RALB: variants seen among roughly 807,000 people sequenced by gnomAD.
RALB encodes ras-related protein Ral-B.
In RALB, 16 loss-of-function variants were observed where a neutral mutation model predicts 21.3. The ratio of observed to expected loss-of-function variants is 0.75; its 90% confidence interval spans 0.51 to 1.14. RALB has a LOEUF of 1.14. Ranked by LOEUF, RALB falls within the 50% of genes most tolerant of loss-of-function variation. The probability of loss-of-function intolerance (pLI) is 0.00; values close to 1 mark genes in which losing one functional copy is unlikely to be tolerated. For missense variants in RALB, 161 were observed against 256.2 expected (o/e 0.63, Z 2.54); for synonymous variants, 93 against 96.1 (o/e 0.97, Z 0.19).
chr2:120,280,817 AT>A, intron 2 of RALB: 1 of 386,176 alleles, frequency 2.6e-6, no homozygotes, highest in Non-Finnish European at 5.0e-6. Context: ...AGACTAAATT[AT>A]TTTTTATTCT....
chr2:120,249,313 G>A (rs867269394), upstream of RALB, among the ~76,000 whole-genome samples: 10 of 152,164 alleles, frequency 6.6e-5, no homozygotes, highest in Non-Finnish European at 8.8e-5. Context: ...AATTACAGGC[G>A]TGAGCCACCG....
rs573702447 is a variant in RALB at position 120,246,826 on chromosome 2, G to A, written c.19+6701G>A. ...GAGCCTGTGGCTGAGTGCAGTCCCC[G>A]CTGCGTCTGGTGTGGAGGCAGCATC... On this transcript the variant is annotated intron_variant, in intron 1 of 3. Transcript: ENST00000447591. Among the ~76,000 whole-genome samples, 9 of 152,180 alleles carry A rather than the reference G, an allele frequency of 5.9e-5. No homozygotes were observed. In the East Asian group the frequency reaches 1.4e-3, roughly 23 times the overall value.
chr2:120,256,818 A>AGG (rs1689210857), intron 1 of RALB, among the ~76,000 whole-genome samples: 1 of 152,190 alleles, frequency 6.6e-6, no homozygotes, highest in Non-Finnish European at 1.5e-5. Context: ...GGACTACAAG[A>AGG]GGGGAGGTCA....
rs927052516 is a variant in RALB, at chr2:120,273,601, T to C, written c.-47-5017T>C. Among the ~76,000 whole-genome samples the C allele has an allele frequency of 2.0e-5, 3 of 152,252 alleles. No homozygotes were observed. In the East Asian group the frequency reaches 5.8e-4, roughly 29 times the overall value. On this transcript the variant is annotated intron_variant, in intron 1 of 4. Transcript: ENST00000272519. ...CCCTGAACAAGGAAAGGATCAATTT[T>C]AGGGAGGGACTATTATTATCCTTGT...
Position 120,265,313 on chromosome 2 carries a change from T to C in RALB, c.-48+12333T>C, listed in dbSNP as rs569753722. Reference sequence around the variant, plus strand: ...AATACCGTGGGCAGTTGTAACACAATGGGGAAGTATTTGTGTAAACATATC... The same window carrying C: ...AATACCGTGGGCAGTTGTAACACAACGGGGAAGTATTTGTGTAAACATATC... On this transcript the variant is annotated intron_variant, in intron 1 of 4. Coordinates refer to ENST00000272519, the MANE Select transcript of RALB (RefSeq NM_002881.3). Among the ~76,000 whole-genome samples, 12 of 152,300 alleles carry C rather than the reference T, an allele frequency of 7.9e-5. No homozygotes were observed. The South Asian group carries it at 2.1e-3, about 26-fold the overall frequency.
intron 1 of RALB, among the ~76,000 whole-genome samples, chr2:120,271,740 C>T (rs904493175): frequency 1.3e-5 from 2 of 152,184 alleles, no homozygotes; most frequent in Non-Finnish European, 1.5e-5. Flanking sequence ...TATTATTAAC[C>T]TTTGGAGCCT....
Position 120,293,217 on chromosome 2 carries a change from G to C in RALB, c.578G>C (p.Ser193Thr). The C allele has an allele frequency of 1.2e-6, 2 of 1,613,662 alleles. No homozygotes were observed. Among genetic ancestry groups the C allele is most frequent in the Non-Finnish European group, 1.7e-6 (2 of 1,179,796 alleles). ...AAAGACAAGAATGGCAAGAAAAGCA[G>C]CAAGAACAAGAAAAGTTTTAAAGAA... ...ENKDKNGKKS[S>T]KNKKSFKERC... Residue 193 changes from serine (S) to threonine (T), a missense_variant, in exon 5 of 5, where the codon AGC becomes ACC. Transcript: ENST00000272519.
chr2:120,273,523 C>T (rs981582871), intron 1 of RALB, among the ~76,000 whole-genome samples: 13 of 152,182 alleles, frequency 8.5e-5, no homozygotes, highest in Admixed American at 8.5e-4. Flanking sequence ...TCAGGCCCCT[C>T]CCATAATTCT....
rs990917985 is a variant in RALB, at chr2:120,266,571, C to T, written c.-47-12047C>T. ...CAAAATTTTTTTTAAATTAGGTGGG[C>T]GTGGTGGTGTGTGCCTGTAGTCCCA... is the stretch of plus-strand genomic sequence containing the variant. On this transcript the variant is annotated intron_variant, in intron 1 of 4. Transcript: ENST00000272519. 1.9e-4 allele frequency among the ~76,000 whole-genome samples: 29 copies of T among 151,906 alleles called. No individual in the cohort carries two copies. In the East Asian group the frequency reaches 2.5e-3, roughly 13 times the overall value.
At chr2:120,248,871 T>C (rs1315464291), upstream of RALB, among the ~76,000 whole-genome samples, 1 of 152,124 alleles carries the variant, frequency 6.6e-6, no homozygotes, top group Non-Finnish European at 1.5e-5. Flanking sequence ...GGTCTCGCCA[T>C]GTTGCCCAGG....
At chr2:120,285,734 A>G (rs924866425) in intron 2 of RALB, 140 bp from the exon 3 acceptor site, 11 of 669,476 alleles carry the variant, frequency 1.6e-5, no homozygotes, top group Admixed American at 5.8e-5. Flanking sequence ...AGAGCTATAA[A>G]GAACAGAAGT....
intron 1 of RALB, among the ~76,000 whole-genome samples, chr2:120,267,668 G>T (rs772788246): frequency 1.3e-5 from 2 of 152,208 alleles, no homozygotes; most frequent in African/African-American, 4.8e-5. Context: ...AGCGGCAGCT[G>T]CTCCACAGCA....
Position 120,285,956 on chromosome 2 carries a change from T to C in RALB, c.197T>C (p.Ile66Thr). The part of the protein sequence containing the change: ...VLDGEEVQID[I>T]LDTAGQEDYA... ...GATGGGGAAGAAGTTCAGATAGATA[T>C]TCTGGACACCGCTGGGCAAGAGGAC... The change falls in exon 3 of 5, where the codon ATT becomes ACT. Residue 66 changes from isoleucine (I) to threonine (T), a missense_variant. Transcript: ENST00000272519. 1.2e-6 allele frequency: 2 copies of C among 1,614,038 alleles called. No homozygotes were observed. Among genetic ancestry groups the C allele is most frequent in the East Asian group, 2.2e-5 (1 of 44,884 alleles).
intron 1 of RALB, among the ~76,000 whole-genome samples, chr2:120,246,943 T>C (rs1481453683): frequency 6.6e-6 from 1 of 152,178 alleles, no homozygotes; most frequent in Non-Finnish European, 1.5e-5. Context: ...TTGGATGAGG[T>C]TGGCTTCCTG....
chr2:120,256,020 G>A (rs1689192041), intron 1 of RALB, among the ~76,000 whole-genome samples: 1 of 152,160 alleles, frequency 6.6e-6, no homozygotes, highest in South Asian at 2.1e-4. Context: ...TGAGTTTTCT[G>A]TTGCTGCATA....
At chr2:120,285,437 A>G (rs1690106923) in intron 2 of RALB, among the ~76,000 whole-genome samples, 1 of 152,222 alleles carries the variant, frequency 6.6e-6, no homozygotes, top group Non-Finnish European at 1.5e-5. Flanking sequence ...CGTTATGAAT[A>G]AGAACTCCAG....
chr2:120,259,833 A>G (rs1448638340), intron 1 of RALB, among the ~76,000 whole-genome samples: 1 of 152,224 alleles, frequency 6.6e-6, no homozygotes, highest in East Asian at 1.9e-4. Context: ...CGGGCCGCAC[A>G]GGAGCCCATG....
intron 1 of RALB, among the ~76,000 whole-genome samples, chr2:120,258,869 G>A (rs1206024848): frequency 1.3e-5 from 2 of 152,150 alleles, no homozygotes; most frequent in Admixed American, 6.5e-5. Context: ...GCGGACCCTC[G>A]CGGTGAGTGT....
rs116214495 is a variant in RALB, at chr2:120,243,400, G to C, written c.19+3275G>C. ...CTGCTGGGTGGGAACAGGCTGTGTG[G>C]GATTCCTCAGGAGAAGGGCACATGC... is the stretch of plus-strand genomic sequence containing the variant. On this transcript the variant is annotated intron_variant, in intron 1 of 3. Transcript: ENST00000447591. Among the ~76,000 whole-genome samples, 1,105 of 152,324 alleles carry C rather than the reference G, an allele frequency of 7.3e-3. 7 individuals carry two copies. The highest frequency in any genetic ancestry group is 0.022 in the African/African-American group (934 of 41,570).
Sources: gnomAD v4.1 joint callset for allele counts (sites outside exome capture counted in the v4.1 genomes callset) on GRCh38, gnomAD v4.1.1 for gene constraint, MANE v1.5 for transcripts, NCBI Gene and HGNC (gene_info 2026-07-23, HGNC 2026-07-21) for gene names.